Variants in FGF13 observed in about 807,000 individuals in gnomAD.
The protein encoded by FGF13 is fibroblast growth factor 13, also known as fibroblast growth factor homologous factor 2.
Under a neutral mutation model 19.5 loss-of-function variants are expected in FGF13, and 2 were observed. The ratio of observed to expected loss-of-function variants is 0.10; its 90% confidence interval spans 0.04 to 0.32. The LOEUF (loss-of-function observed/expected upper bound fraction) is 0.32, where lower values mean the gene tolerates loss of function less well. Among genes scored for constraint, FGF13 ranks in the 10% least tolerant of loss-of-function variants. The pLI, the probability that FGF13 is intolerant of heterozygous loss-of-function variation, is 1.00. For synonymous variants in FGF13, 72 were observed against 76.9 expected, an observed-to-expected ratio of 0.94 and a Z score of 0.33; for missense variants, 113 against 192.7, an observed-to-expected ratio of 0.59 and a Z score of 2.45.
chrX:138,774,859 T>C (rs990836116), intron 3 of FGF13, among the ~76,000 whole-genome samples: 11 of 112,721 alleles, frequency 9.8e-5, no homozygotes, highest in Admixed American at 6.6e-4. Context: ...TAGTTGATTG[T>C]CAGCAATTTA....
chrX:138,793,182 A>G (rs2090754795), intron 3 of FGF13, among the ~76,000 whole-genome samples: 1 of 111,400 alleles, frequency 9.0e-6, no homozygotes, highest in African/African-American at 3.3e-5. Flanking sequence ...TAGACCTTCT[A>G]GAGAGAGTGC....
Position 138,710,866 on chromosome X carries a change from A to C in FGF13, c.138T>G (p.Phe46Leu). 1 of 1,212,078 alleles carries C rather than the reference A, an allele frequency of 8.3e-7. No homozygotes were observed. The highest frequency in any genetic ancestry group is 1.1e-6 in the Non-Finnish European group (1 of 895,552). The stretch of plus-strand genomic sequence containing the variant: ...TGGAGCCGAAGAGTTTGACCCGGGA[A>C]AAGACATTTAACTTGTTTTTGTCGC... Reference protein sequence around the residue: ...TSCDKNKLNVFSRVKLFGSKK... With the variant: ...TSCDKNKLNVLSRVKLFGSKK... Residue 46 changes from phenylalanine to leucine, a missense_variant, in exon 1 of 5, where the codon TTT becomes TTG. Physicochemically the swap from Phe to Leu is conservative, Grantham distance 22 (BLOSUM62 0). This residue lies in a region of FGF13 where 51 missense variants were observed against 78.5 expected (regional missense o/e 0.65). Transcript: ENST00000315930.
intron 1 of FGF13, among the ~76,000 whole-genome samples, chrX:139,158,186 G>A (rs1325792884): frequency 2.8e-5 from 3 of 107,243 alleles, no homozygotes; most frequent in Non-Finnish European, 5.8e-5. Context: ...GCGGCCATTT[G>A]GGCAGACACC....
intron 1 of FGF13, among the ~76,000 whole-genome samples, chrX:139,186,669 A>G (rs2084285783): frequency 1.8e-5 from 2 of 111,641 alleles, no homozygotes; most frequent in South Asian, 7.6e-4. Flanking sequence ...GGTACACCTC[A>G]TGCCTCTCTA....
chrX:139,094,243 T>C (rs2083456368), intron 1 of FGF13, among the ~76,000 whole-genome samples: 1 of 102,481 alleles, frequency 9.8e-6, no homozygotes, highest in South Asian at 4.1e-4. Flanking sequence ...GACAGAGCTA[T>C]ATATCTCTGT....
intron 3 of FGF13, among the ~76,000 whole-genome samples, chrX:138,651,891 T>C (rs762808995): frequency 4.5e-5 from 5 of 111,884 alleles, no homozygotes; most frequent in Non-Finnish European, 9.4e-5. Context: ...TAATTCACTC[T>C]GTTAGTTGGC....
At chrX:139,090,223 AAAGT>A (rs2083430693) in intron 1 of FGF13, among the ~76,000 whole-genome samples, 1 of 112,035 alleles carries the variant, frequency 8.9e-6, no homozygotes, top group South Asian at 3.7e-4. Context: ...ATGCATCTGC[AAAGT>A]AAGTTTCCAG....
chrX:139,105,914 AG>A (rs1168195929), intron 1 of FGF13, among the ~76,000 whole-genome samples: 1 of 112,095 alleles, frequency 8.9e-6, no homozygotes, highest in East Asian at 2.8e-4. Flanking sequence ...TCCTGCAAAA[AG>A]TAAACTTCCC....
intron 3 of FGF13, among the ~76,000 whole-genome samples, chrX:138,819,208 C>A (rs2090982443): frequency 9.0e-6 from 1 of 111,072 alleles, no homozygotes; most frequent in Non-Finnish European, 1.9e-5. Flanking sequence ...GCTCAATATC[C>A]TTTTCTGTAA....
intron 3 of FGF13, among the ~76,000 whole-genome samples, chrX:138,673,733 TGAGA>T (rs925545515): frequency 2.1e-4 from 23 of 110,432 alleles, no homozygotes; most frequent in Non-Finnish European, 3.8e-4. Context: ...TACGAAGACA[TGAGA>T]GAGAGAGAAA....
intron 1 of FGF13, among the ~76,000 whole-genome samples, chrX:138,926,763 G>A (rs1006624504): frequency 1.8e-5 from 2 of 111,547 alleles, no homozygotes; most frequent in East Asian, 5.6e-4. Context: ...GACCAACCTG[G>A]CCAACGTGGC....
At chrX:138,897,878 A>C (rs1290455994) in intron 1 of FGF13, among the ~76,000 whole-genome samples, 2 of 111,403 alleles carry the variant, frequency 1.8e-5, no homozygotes, top group Middle Eastern at 4.2e-3. Context: ...TCTGTGATAA[A>C]GGAACCCAAA....
intron 3 of FGF13, among the ~76,000 whole-genome samples, chrX:138,764,688 A>G (rs1482750208): frequency 8.9e-6 from 1 of 112,606 alleles, no homozygotes; most frequent in Non-Finnish European, 1.9e-5. Context: ...AAAGTTGAGT[A>G]GTTGGAACAG....
intron 1 of FGF13, among the ~76,000 whole-genome samples, chrX:139,043,281 G>A (rs1031023674): frequency 9.1e-6 from 1 of 110,448 alleles, no homozygotes; most frequent in African/African-American, 3.3e-5. Flanking sequence ...GTACAATCTC[G>A]GCTCACTGCA....
chrX:138,991,163 G>T (rs60061290), intron 1 of FGF13, among the ~76,000 whole-genome samples: 1,494 of 111,975 alleles, frequency 0.013, 22 homozygotes, highest in African/African-American at 0.045. Flanking sequence ...TGATGTTATA[G>T]CTGTTAAGTG....
chrX:139,082,474 G>A (rs1285147887), intron 1 of FGF13, among the ~76,000 whole-genome samples: 1 of 111,864 alleles, frequency 8.9e-6, no homozygotes, highest in Non-Finnish European at 1.9e-5. Flanking sequence ...AGGTCATGCT[G>A]CATTAAAGTG....
chrX:139,143,755 C>T (rs996256017), intron 1 of FGF13, among the ~76,000 whole-genome samples: 32 of 111,562 alleles, frequency 2.9e-4, no homozygotes, highest in African/African-American at 1.0e-3. Flanking sequence ...GGGCTCCAAC[C>T]AGACTCCACT....
At chrX:138,774,404 G>C (rs1248140302) in intron 3 of FGF13, among the ~76,000 whole-genome samples, 1 of 111,443 alleles carries the variant, frequency 9.0e-6, no homozygotes, top group African/African-American at 3.3e-5. Context: ...TCAATCATAT[G>C]AGGTGGGCAG....
At chrX:138,838,085 C>G (rs774454359) in intron 3 of FGF13, among the ~76,000 whole-genome samples, 14 of 112,257 alleles carry the variant, frequency 1.2e-4, no homozygotes, top group African/African-American at 4.5e-4. Flanking sequence ...GTTGCCCAAA[C>G]AGCAAACATG....
Sources: gnomAD v4.1 joint callset for allele counts (sites outside exome capture counted in the v4.1 genomes callset) on GRCh38, gnomAD v4.1.1 for gene constraint, gnomAD v4.1.1 regional missense constraint, MANE v1.5 for transcripts, NCBI Gene and HGNC (gene_info 2026-07-23, HGNC 2026-07-21) for gene names.